CR1: variants seen among roughly 807,000 people sequenced by gnomAD.
CR1 encodes complement C3b/C4b receptor 1 (Knops blood group).
A neutral mutation model predicts 187.3 loss-of-function variants in CR1; 116 were observed. The ratio of observed to expected loss-of-function variants is 0.62; its 90% confidence interval spans 0.53 to 0.72. The LOEUF (loss-of-function observed/expected upper bound fraction) is 0.72. Among genes scored for constraint, CR1 ranks in the 30% least tolerant of loss-of-function variants. The pLI is 0.00. For missense variants in CR1, 1,731 were observed against 2,110.7 expected (o/e 0.82, Z 3.52); for synonymous variants, 576 against 747.1 (o/e 0.77, Z 3.73).
chr1:207,502,842 G>A (rs1433113574), intron 1 of CR1, among the ~76,000 whole-genome samples: 1 of 152,130 alleles, frequency 6.6e-6, no homozygotes, highest in Admixed American at 6.5e-5. Flanking sequence ...TCTCTGTCCG[G>A]GGTCCCGTGG....
intron 46 of CR1, 121 bp from the exon 47 acceptor site, chr1:207,639,276 G>A (rs1002914716): frequency 1.2e-6 from 1 of 854,496 alleles, no homozygotes. Context: ...TCCTCCTAAA[G>A]CAACTCCTGT....
intron 45 of CR1, among the ~76,000 whole-genome samples, chr1:207,629,261 C>T (rs1488870086): frequency 5.3e-5 from 8 of 152,098 alleles, no homozygotes; most frequent in Admixed American, 4.6e-4. Flanking sequence ...TGATAAAATA[C>T]TTAAGGCCAT....
At chr1:207,596,308 G>A (rs975422855) in intron 35 of CR1, among the ~76,000 whole-genome samples, 1 of 151,872 alleles carries the variant, frequency 6.6e-6, no homozygotes, top group African/African-American at 2.4e-5. Context: ...AAATCACTTT[G>A]AGGTCCTTAA....
Position 207,611,839 on chromosome 1 carries a change from C to T in CR1, c.6458C>T (p.Ala2153Val), listed in dbSNP as rs759251578. 8.1e-6 allele frequency: 13 copies of T among 1,613,976 alleles called. No individual in the cohort carries two copies. The highest frequency in any genetic ancestry group is 4.0e-5 in the African/African-American group (3 of 75,058). The change falls in exon 38 of 47, where the codon GCC becomes GTC. Residue 2153 changes from alanine to valine, a missense_variant. By Grantham distance (64) the Ala-to-Val change is moderately conservative (BLOSUM62 0). This residue lies in a region of CR1 where 1,312 missense variants were observed against 1,379.6 expected (regional missense o/e 0.95). Transcript: ENST00000367049. ...CCCCAGGGAGACTGGAGCCCTGAAGCCCCTAGATGTACAGGTGCCTTGACT... is the reference window on the plus strand; with the variant it reads ...CCCCAGGGAGACTGGAGCCCTGAAGTCCCTAGATGTACAGGTGCCTTGACT... ...CTPQGDWSPE[A>V]PRCTVKSCDD...
rs577590399 is a variant in CR1 at position 207,518,817 on chromosome 1, C to T, written c.488-4794C>T. Among the ~76,000 whole-genome samples, 23 of 152,288 alleles carry T rather than the reference C, an allele frequency of 1.5e-4. 2 individuals are homozygous for T. Among genetic ancestry groups the T allele is most frequent in the African/African-American group, 4.6e-4 (19 of 41,570 alleles). The stretch of plus-strand genomic sequence containing the variant: ...AATGGTCACAGCTCGAGATCATTAA[C>T]GTGATTGTATCTACAAAGACTCTCC... On this transcript the variant is annotated intron_variant, in intron 4 of 46. Transcript: ENST00000367049.
At chr1:207,506,646 A>T (rs775337163) in intron 2 of CR1, 68 bp from the exon 3 acceptor site, 17 of 1,282,890 alleles carry the variant, frequency 1.3e-5, no homozygotes, top group Non-Finnish European at 1.9e-5. Context: ...GCAGGTTGAG[A>T]CCTTATGTAC....
chr1:207,497,093 A>G (rs1831150), intron 1 of CR1, among the ~76,000 whole-genome samples: 32,840 of 152,140 alleles, frequency 0.22, 4,108 homozygotes, highest in Middle Eastern at 0.3. Context: ...AATTGACAGC[A>G]TACTTTAAGA....
chr1:207,576,106 T>C (rs1660736639), intron 28 of CR1, among the ~76,000 whole-genome samples: 3 of 152,374 alleles, frequency 2.0e-5, no homozygotes, highest in East Asian at 3.9e-4. Context: ...AACAGGATCA[T>C]GCCATCTTCC....
intron 3 of CR1, among the ~76,000 whole-genome samples, chr1:207,507,930 A>G (rs963690340): frequency 8.5e-5 from 13 of 152,210 alleles, no homozygotes; most frequent in African/African-American, 2.7e-4. Context: ...CATCCATACA[A>G]TAGAATATTA....
rs56044498 is a variant in CR1, at chr1:207,498,877, C to CAAAAAAAAAAAAAAAAA, written c.121+2505_121+2506insAAAAAAAAAAAAAAAAA. On this transcript the variant is annotated intron_variant, in intron 1 of 46. Transcript: ENST00000367049. ...TGGGTGACAGAGCGCAACTCCAAAT[C>CAAAAAAAAAAAAAAAAA]AAAAAAAAAAAAAAAAGAAACAAAC... Among the ~76,000 whole-genome samples, 164 of 49,880 alleles carry CAAAAAAAAAAAAAAAAA rather than the reference C, an allele frequency of 3.3e-3. 1 individual carries two copies. Among genetic ancestry groups the CAAAAAAAAAAAAAAAAA allele is most frequent in the Middle Eastern group, 0.021 (1 of 48 alleles). 32.7% of individuals were successfully genotyped at this position (49,880 alleles called of 152,430 possible).
At chr1:207,496,420 G>C in intron 1 of CR1, 32 bp downstream of exon 1, 2 of 1,577,816 alleles carry the variant, frequency 1.3e-6, no homozygotes, top group Non-Finnish European at 1.7e-6. Context: ...GGAGGCGCCC[G>C]GGCGGACGAG....
Position 207,609,455 on chromosome 1 carries a change from A to G in CR1, c.6062A>G (p.Lys2021Arg), listed in dbSNP as rs575862611. The G allele has an allele frequency of 2.4e-5, 38 of 1,614,046 alleles. 1 individual carries two copies. The South Asian group carries it at 3.7e-4, about 16-fold the overall frequency. The stretch of plus-strand genomic sequence containing the variant: ...GAACGGTCAATATATTGCACCAGCA[A>G]AGATGATCAAGTTGGTGTTTGGAGC... ...VGERSIYCTSKDDQVGVWSSP... is the reference protein window; with the variant it reads ...VGERSIYCTSRDDQVGVWSSP... The change falls in exon 37 of 47, where the codon AAA becomes AGA. Residue 2021 changes from lysine to arginine, a missense_variant. Lys to Arg is a conservative substitution (Grantham distance 26). This residue lies in a region of CR1 where 1,312 missense variants were observed against 1,379.6 expected (regional missense o/e 0.95). Transcript: ENST00000367049.
chr1:207,497,159 C>CA (rs1307864720), intron 1 of CR1, among the ~76,000 whole-genome samples: 1 of 152,188 alleles, frequency 6.6e-6, no homozygotes, highest in Non-Finnish European at 1.5e-5. Context: ...CCAGAACATG[C>CA]AATGTAACCG....
chr1:207,597,050 A>ATTT (rs1156639341), intron 35 of CR1, among the ~76,000 whole-genome samples: 21 of 149,114 alleles, frequency 1.4e-4, no homozygotes, highest in South Asian at 2.1e-4. Flanking sequence ...ATCAATAAAA[A>ATTT]TATTGATATA....
chr1:207,613,638 C>T (rs181091472), intron 39 of CR1, among the ~76,000 whole-genome samples: 102 of 152,042 alleles, frequency 6.7e-4, no homozygotes, highest in African/African-American at 2.2e-3. Context: ...TTATGTGTAT[C>T]CATTACTCTT....
intron 4 of CR1, among the ~76,000 whole-genome samples, chr1:207,518,214 A>G (rs992928776): frequency 1.3e-5 from 2 of 152,196 alleles, no homozygotes; most frequent in Non-Finnish European, 2.9e-5. Flanking sequence ...TAGGCTGTTT[A>G]GAAGGGCATT....
intron 40 of CR1, 110 bp from the exon 41 acceptor site, chr1:207,616,465 A>G (rs948952067): frequency 3.0e-5 from 39 of 1,303,684 alleles, no homozygotes; most frequent in East Asian, 9.7e-5. Flanking sequence ...CCTTAGTTAT[A>G]TTCTTTCTAA....
intron 1 of CR1, among the ~76,000 whole-genome samples, chr1:207,501,089 A>T (rs1302765563): frequency 1.3e-5 from 2 of 152,248 alleles, no homozygotes; most frequent in African/African-American, 4.8e-5. Context: ...AGAAAGTCAA[A>T]TCAATCTGTA....
rs375393554 is a variant in CR1 at position 207,607,805 on chromosome 1, A to G, written c.5896+469A>G. On this transcript the variant is annotated intron_variant, in intron 36 of 46. Transcript: ENST00000367049. Reference sequence around the variant, plus strand: ...ATCCTCCTTCAATTCTTTTAGGCCCATGTCTTCAGTTGTATTTGTTCTCGA... The same window carrying G: ...ATCCTCCTTCAATTCTTTTAGGCCCGTGTCTTCAGTTGTATTTGTTCTCGA... Among the ~76,000 whole-genome samples, 18 of 152,248 alleles carry G rather than the reference A, an allele frequency of 1.2e-4. No individual in the cohort carries two copies. In the East Asian group the frequency reaches 3.1e-3, roughly 26 times the overall value.
Sources: allele counts gnomAD v4.1 joint callset (sites outside exome capture counted in the v4.1 genomes callset), GRCh38; gene constraint gnomAD v4.1.1; regional missense constraint gnomAD v4.1.1; transcripts MANE v1.5; gene names NCBI Gene and HGNC (gene_info 2026-07-23, HGNC 2026-07-21).